Variants in CARMIL1 observed in about 807,000 individuals in gnomAD.
CARMIL1 encodes F-actin-uncapping protein LRRC16A.
Under a neutral mutation model 177.1 loss-of-function variants are expected in CARMIL1, and 90 were observed. The ratio of observed to expected loss-of-function variants is 0.51; its 90% CI spans 0.43 to 0.61. The LOEUF is 0.61. Among genes scored for constraint, CARMIL1 ranks in the 20% least tolerant of loss-of-function variants. CARMIL1 has a pLI of 0.00. For missense variants in CARMIL1, 1,380 were observed against 1,667.0 expected (o/e 0.83, Z 3.00); for synonymous variants, 577 against 606.2 (o/e 0.95, Z 0.71).
intron 24 of CARMIL1, among the ~76,000 whole-genome samples, chr6:25,535,336 G>T (rs1480189789): frequency 1.3e-5 from 2 of 152,126 alleles, no homozygotes; most frequent in African/African-American, 4.8e-5. Flanking sequence ...AGAAAAGAAG[G>T]CTAAGGAAGA....
chr6:25,568,080 A>C (rs943448803), intron 29 of CARMIL1, among the ~76,000 whole-genome samples: 1 of 152,242 alleles, frequency 6.6e-6, no homozygotes, highest in Non-Finnish European at 1.5e-5. Context: ...TTGGCCTTTG[A>C]CGTATGTGCT....
intron 29 of CARMIL1, among the ~76,000 whole-genome samples, chr6:25,574,073 C>G (rs1812369321): frequency 6.6e-6 from 1 of 152,124 alleles, no homozygotes; most frequent in Non-Finnish European, 1.5e-5. Flanking sequence ...TGATCACTTT[C>G]CATCCCCAAG....
intron 2 of CARMIL1, among the ~76,000 whole-genome samples, chr6:25,373,479 A>G (rs935600023): frequency 2.1e-5 from 3 of 145,256 alleles, no homozygotes; most frequent in Non-Finnish European, 4.5e-5. Context: ...GAATTTGTCC[A>G]TTTCCTGTAG....
intron 16 of CARMIL1, among the ~76,000 whole-genome samples, chr6:25,496,472 C>CT: frequency 9.8e-6 from 1 of 101,572 alleles, no homozygotes. Flanking sequence ...GACTCCATCT[C>CT]AAAAAAAAAA....
At chr6:25,284,432 G>A (rs542758953) in intron 1 of CARMIL1, among the ~76,000 whole-genome samples, 5 of 152,154 alleles carry the variant, frequency 3.3e-5, no homozygotes, top group Admixed American at 6.5e-5. Context: ...ACAAACGGTC[G>A]GGCACGGTGG....
At chr6:25,438,664 A>G (rs1388671219) in intron 5 of CARMIL1, among the ~76,000 whole-genome samples, 1 of 152,208 alleles carries the variant, frequency 6.6e-6, no homozygotes, top group Admixed American at 6.5e-5. Flanking sequence ...TGGCTGGGGT[A>G]TAATGAAGAA....
chr6:25,571,988 G>A (rs1481210957), intron 29 of CARMIL1, among the ~76,000 whole-genome samples: 1 of 152,168 alleles, frequency 6.6e-6, no homozygotes, highest in African/African-American at 2.4e-5. Context: ...ATGTTTTAAG[G>A]CACTTGAGGG....
At chr6:25,426,629 C>G in intron 4 of CARMIL1, 69 bp downstream of exon 4, 1 of 1,425,562 alleles carries the variant, frequency 7.0e-7, no homozygotes, top group Admixed American at 1.8e-5. Flanking sequence ...TAAAATGTTC[C>G]TTGAGACAAT....
At position 25,577,686 on chromosome 6, in the gene CARMIL1, G is replaced by T. The variant is rs990964837; in HGVS notation, c.2743-3238G>T. Reference sequence around the variant, plus strand: ...AAAAAAATGTTACGTTGTTTGGAAGGTTCCAAGATTAGTCTTTAACTTGTA... The same window carrying T: ...AAAAAAATGTTACGTTGTTTGGAAGTTTCCAAGATTAGTCTTTAACTTGTA... On this transcript the variant is annotated intron_variant, in intron 29 of 36. Coordinates refer to ENST00000329474, the MANE Select transcript of CARMIL1 (RefSeq NM_017640.6). The surrounding 1 kb of genome is among the most constrained non-coding windows in gnomAD (Gnocchi z 4.5). Among the ~76,000 whole-genome samples, 3 of 152,138 alleles carry T rather than the reference G, an allele frequency of 2.0e-5. No individual in the cohort carries two copies. The highest frequency in any genetic ancestry group is 3.2e-3 in the Middle Eastern group (1 of 316).
At chr6:25,502,551 CA>C (rs11399077) in intron 17 of CARMIL1, among the ~76,000 whole-genome samples, 110 of 142,286 alleles carry the variant, frequency 7.7e-4, no homozygotes, top group Admixed American at 1.1e-3. Flanking sequence ...GACTCTATCT[CA>C]AAAAAAAAAA....
chr6:25,424,843 A>T (rs1295270589), intron 3 of CARMIL1, among the ~76,000 whole-genome samples: 2 of 152,088 alleles, frequency 1.3e-5, no homozygotes, highest in Admixed American at 6.6e-5. Flanking sequence ...TTTTAAAGAG[A>T]CTTAAATTGG....
At chr6:25,484,875 AGGT>A (rs1324568322) in intron 12 of CARMIL1, among the ~76,000 whole-genome samples, 1 of 152,154 alleles carries the variant, frequency 6.6e-6, no homozygotes, top group Non-Finnish European at 1.5e-5. Context: ...TATAAGATAA[AGGT>A]GGTTTTTAAA....
At chr6:25,405,169 C>G (rs1794252908) in intron 2 of CARMIL1, among the ~76,000 whole-genome samples, 1 of 152,182 alleles carries the variant, frequency 6.6e-6, no homozygotes, top group Non-Finnish European at 1.5e-5. Context: ...TTTCTGTGTT[C>G]CCTGAGTGAA....
At position 25,323,841 on chromosome 6, in the gene CARMIL1, T is replaced by C. The variant is rs534768381; in HGVS notation, c.138+38932T>C. 2.6e-5 allele frequency among the ~76,000 whole-genome samples: 4 copies of C among 152,370 alleles called. No homozygotes were observed. The South Asian group carries it at 6.2e-4, about 24-fold the overall frequency. ...ATTTGTTTTGTTTCATTTTTTTCCC[T>C]TTCAACTATAGTTTTCACATGTAAA... On this transcript the variant is annotated intron_variant, in intron 2 of 36. Coordinates refer to ENST00000329474, the MANE Select transcript of CARMIL1 (RefSeq NM_017640.6).
chr6:25,491,104 C>G (rs1053168435), intron 13 of CARMIL1, among the ~76,000 whole-genome samples: 2 of 152,160 alleles, frequency 1.3e-5, no homozygotes, highest in South Asian at 2.1e-4. Flanking sequence ...ATCTGTTGAT[C>G]AGTCTCATTA....
At chr6:25,610,818 G>A (rs1451566746) in intron 36 of CARMIL1, among the ~76,000 whole-genome samples, 1 of 152,160 alleles carries the variant, frequency 6.6e-6, no homozygotes, top group Non-Finnish European at 1.5e-5. Flanking sequence ...ATTATCAAAG[G>A]TGAGGCATGG....
rs576977073 is a variant in CARMIL1, at chr6:25,498,793, G to A, written c.1326-1373G>A. Among the ~76,000 whole-genome samples, 7 of 152,262 alleles carry A rather than the reference G, an allele frequency of 4.6e-5. No individual in the cohort carries two copies. In the South Asian group the frequency reaches 1.2e-3, roughly 27 times the overall value. ...GGCCTTTTGGTTTTCAGCCTCCAGC[G>A]CTTTCACTGACTCAATACTGCGCCC... On this transcript the variant is annotated intron_variant, in intron 16 of 36. Coordinates refer to ENST00000329474, the MANE Select transcript of CARMIL1 (RefSeq NM_017640.6).
chr6:25,544,303 T>C (rs1368562760), intron 26 of CARMIL1, among the ~76,000 whole-genome samples: 1 of 151,950 alleles, frequency 6.6e-6, no homozygotes, highest in Non-Finnish European at 1.5e-5. Context: ...CAAATTTACA[T>C]CTAGAATCGT....
chr6:25,355,320 A>G (rs1421197648), intron 2 of CARMIL1, among the ~76,000 whole-genome samples: 1 of 152,122 alleles, frequency 6.6e-6, no homozygotes, highest in African/African-American at 2.4e-5. Context: ...CTTTATTTTC[A>G]ATCCAGTTTA....
Sources: gnomAD v4.1 joint callset for allele counts (sites outside exome capture counted in the v4.1 genomes callset) on GRCh38, gnomAD v4.1.1 for gene constraint, Gnocchi (gnomAD v3.1) non-coding constraint, MANE v1.5 for transcripts, NCBI Gene and HGNC (gene_info 2026-07-23, HGNC 2026-07-21) for gene names.